Variants in LHX1 observed in about 807,000 individuals in gnomAD.
LHX1 encodes LIM/homeobox protein Lhx1.
Under a neutral mutation model 34.1 loss-of-function variants are expected in LHX1, and 9 were observed. That is an observed-to-expected ratio of 0.26 (90% confidence interval 0.16 to 0.46). LHX1 has a LOEUF of 0.46. LHX1 is among the 20% of genes least tolerant of loss of function. The probability of loss-of-function intolerance (pLI) is 1.00; values close to 1 mark genes in which losing one functional copy is unlikely to be tolerated. For synonymous variants in LHX1, 254 were observed against 241.5 expected (o/e 1.05, Z -0.48); for missense variants, 446 against 559.1 (o/e 0.80, Z 2.04).
rs912287461 is a variant in LHX1, at chr17:36,944,002, T to C, written c.*871T>C. The C allele has an allele frequency of 1.8e-4, 27 of 152,192 alleles. No individual in the cohort carries two copies. Among genetic ancestry groups the C allele is most frequent in the South Asian group, 2.1e-4 (1 of 4,820 alleles). The allele number at this position is 152,192 out of a possible 1,614,324, so 9.4% of individuals were successfully genotyped here. Reference sequence around the variant, plus strand: ...TACGTATAATGTTAAATTCAGGAGTTCAGTGTTTTACTAATATATCCTGTT... The same window carrying C: ...TACGTATAATGTTAAATTCAGGAGTCCAGTGTTTTACTAATATATCCTGTT... On this transcript the variant is annotated 3_prime_UTR_variant, in exon 5 of 5. Coordinates refer to ENST00000614239, the MANE Select transcript of LHX1 (RefSeq NM_005568.5).
rs1567958736 is a variant in LHX1 at position 36,943,811 on chromosome 17, A to G, written c.*680A>G. On this transcript the variant is annotated 3_prime_UTR_variant, in exon 5 of 5. Coordinates refer to ENST00000614239, the MANE Select transcript of LHX1 (RefSeq NM_005568.5). Reference sequence around the variant, plus strand: ...CTCTTCTACCTTCGCAAAACTACACATACACACATACACACGTACACGGAC... The same window carrying G: ...CTCTTCTACCTTCGCAAAACTACACGTACACACATACACACGTACACGGAC... 2.0e-5 allele frequency: 3 copies of G among 152,082 alleles called. No homozygotes were observed. Among genetic ancestry groups the G allele is most frequent in the Admixed American group, 6.6e-5 (1 of 15,262 alleles). 9.4% of individuals were successfully genotyped at this position (152,082 alleles called of 1,614,324 possible). A position where few individuals can be genotyped will look rare whatever the true frequency, so the allele number is the denominator to read the frequency against.
At position 36,938,527 on chromosome 17, in the gene LHX1, G is replaced by T. The variant is rs1004828899; in HGVS notation, c.170+160G>T. 54 of 743,440 alleles carry T rather than the reference G, an allele frequency of 7.3e-5. No individual in the cohort carries two copies. In the East Asian group the frequency reaches 1.3e-3, roughly 18 times the overall value. The allele number at this position is 743,440 out of a possible 1,614,324, so 46.1% of individuals were successfully genotyped here. A position where few individuals can be genotyped will look rare whatever the true frequency, so the allele number is the denominator to read the frequency against. On this transcript the variant is annotated intron_variant, in intron 1 of 4. Coordinates refer to ENST00000614239, the MANE Select transcript of LHX1 (RefSeq NM_005568.5). ...CGCCCGCCTCTCCGCCAGCTGGCGC[G>T]CTGGGAGCCCGGGACGCGGCCCTGC...
intron 1 of LHX1, 32 bp from the exon 2 acceptor site, chr17:36,940,258 C>CCCGGGGGGGGG: frequency 1.9e-6 from 1 of 528,906 alleles, no homozygotes; most frequent in Non-Finnish European, 3.3e-6. Context: ...GACCCATCCC[C>CCCGGGGGGGGG]GCCCCCGCCC....
chr17:36,938,056 C>A lies in LHX1; in HGVS notation c.-142C>A. The A allele has an allele frequency of 1.3e-6, 1 of 769,666 alleles. No homozygotes were observed. The highest frequency in any genetic ancestry group is 2.2e-6 in the Non-Finnish European group (1 of 461,474). The allele number at this position is 769,666 out of a possible 1,614,324, so 47.7% of individuals were successfully genotyped here. A position where few individuals can be genotyped will look rare whatever the true frequency, so the allele number is the denominator to read the frequency against. On this transcript the variant is annotated 5_prime_UTR_variant, in exon 1 of 5. Transcript: ENST00000614239. ...TCCACCCTACTTTGATTTCCTGGTG[C>A]GAGTTTTGGCTTGCACGGCCGAGTG...
upstream of LHX1, chr17:36,936,928 G>A (rs1363744447): frequency 8.6e-6 from 2 of 232,840 alleles, no homozygotes; most frequent in South Asian, 3.8e-5. Context: ...GCGGCGGTCC[G>A]CGCCGAGCCG....
At chr17:36,938,846 C>T (rs2070746623) in intron 1 of LHX1, 29 of 292,606 alleles carry the variant, frequency 9.9e-5, no homozygotes, top group South Asian at 9.4e-4. Flanking sequence ...AGTGTCTGGG[C>T]CAACTGCCCT....
Position 36,943,226 on chromosome 17 carries a change from C to T in LHX1, c.*95C>T. On this transcript the variant is annotated 3_prime_UTR_variant, in exon 5 of 5. Coordinates refer to ENST00000614239, the MANE Select transcript of LHX1 (RefSeq NM_005568.5). ...AAAAAAAACATAAAAAGCAAGTCCC[C>T]ACCCCCTTCCTCCAGCCTCGAGAAC... is the stretch of plus-strand genomic sequence containing the variant. 1 of 1,374,910 alleles carries T rather than the reference C, an allele frequency of 7.3e-7. No individual in the cohort carries two copies. Among genetic ancestry groups the T allele is most frequent in the Non-Finnish European group, 9.8e-7 (1 of 1,018,666 alleles). 85.2% of individuals were successfully genotyped at this position (1,374,910 alleles called of 1,614,324 possible). A position where few individuals can be genotyped will look rare whatever the true frequency, so the allele number is the denominator to read the frequency against.
rs752860474 is a variant in LHX1, at chr17:36,942,779, G to A, written c.869G>A (p.Gly290Glu). 6.5e-7 allele frequency: 1 copy of A among 1,541,530 alleles called. No individual in the cohort carries two copies. The highest frequency in any genetic ancestry group is 8.8e-7 in the Non-Finnish European group (1 of 1,140,706). The change falls in exon 5 of 5, where the codon GGG becomes GAG. Residue 290 changes from glycine to glutamate, a missense_variant. Gly to Glu is a moderately conservative substitution (Grantham distance 98, BLOSUM62 -2). Around this residue, in one of 3 missense-constraint regions of LHX1, gnomAD observed 235 missense variants for 224.4 expected, o/e 1.05. Transcript: ENST00000614239. ...GDYQSEYYGP[G>E]GNYDFFPQGP... The stretch of plus-strand genomic sequence containing the variant: ...TACCAGAGCGAGTACTACGGGCCCG[G>A]GGGCAACTACGACTTCTTCCCGCAA...
upstream of LHX1, chr17:36,937,312 G>T (rs1394661658): frequency 7.3e-6 from 3 of 411,436 alleles, no homozygotes; most frequent in African/African-American, 4.2e-5. Flanking sequence ...CTGAGGACAC[G>T]GAGGCCGCCA....
Position 36,943,514 on chromosome 17 carries a change from C to G in LHX1, c.*383C>G, listed in dbSNP as rs1597691009. The stretch of plus-strand genomic sequence containing the variant: ...CACAGCCGTTGGCGATGCCAGGAGC[C>G]GTGGGGAGGGAGGCCGTGAGCACAG... On this transcript the variant is annotated 3_prime_UTR_variant, in exon 5 of 5. Coordinates refer to ENST00000614239, the MANE Select transcript of LHX1 (RefSeq NM_005568.5). 1 of 198,880 alleles carries G rather than the reference C, an allele frequency of 5.0e-6. No homozygotes were observed. Among genetic ancestry groups the G allele is most frequent in the East Asian group, 1.1e-4 (1 of 8,966 alleles). 12.3% of individuals were successfully genotyped at this position (198,880 alleles called of 1,614,324 possible). A position where few individuals can be genotyped will look rare whatever the true frequency, so the allele number is the denominator to read the frequency against.
chr17:36,943,194 A>T lies in LHX1; in HGVS notation c.*63A>T. 1 of 1,380,916 alleles carries T rather than the reference A, an allele frequency of 7.2e-7. No homozygotes were observed. The highest frequency in any genetic ancestry group is 9.5e-7 in the Non-Finnish European group (1 of 1,051,874). The allele number at this position is 1,380,916 out of a possible 1,614,324, so 85.5% of individuals were successfully genotyped here. On this transcript the variant is annotated 3_prime_UTR_variant, in exon 5 of 5. Transcript: ENST00000614239. ...AGAAATGAACCTTTATTTAAGAAAA[A>T]TAGAAAAAAAAAAACATAAAAAGCA...
rs200637129 is a variant in LHX1 at position 36,940,824 on chromosome 17, G to A, written c.612G>A (p.Lys204=). 1 of 1,543,992 alleles carries A rather than the reference G, an allele frequency of 6.5e-7. No homozygotes were observed. The highest frequency in any genetic ancestry group is 8.7e-7 in the Non-Finnish European group (1 of 1,148,568). ...AGGCCGCCTTCGCTGCTACACCCAA[G>A]CCCACCCGCCACATCCGCGAGCAGC... ...TLKAAFAATP[K]PTRHIREQLA... is the part of the protein sequence containing the mutation. The change falls in exon 3 of 5, where the codon AAG becomes AAA. Residue 204 remains lysine (K), a synonymous_variant. Transcript: ENST00000614239.
chr17:36,942,178 AC>A, intron 3 of LHX1, 21 bp from the exon 4 acceptor site: 1 of 1,518,322 alleles, frequency 6.6e-7, no homozygotes, highest in Non-Finnish European at 8.8e-7. Flanking sequence ...CGGTGGCCTC[AC>A]CCCGCCGCCA....
Position 36,943,160 on chromosome 17 carries a change from T to C in LHX1, c.*29T>C. On this transcript the variant is annotated 3_prime_UTR_variant, in exon 5 of 5. Coordinates refer to ENST00000614239, the MANE Select transcript of LHX1 (RefSeq NM_005568.5). ...GGTCTCGCACGGTCTGCGGAGTTCGTGGTTGTACAGAAATGAACCTTTATT... is the reference window on the plus strand; with the variant it reads ...GGTCTCGCACGGTCTGCGGAGTTCGCGGTTGTACAGAAATGAACCTTTATT... 1 of 1,608,414 alleles carries C rather than the reference T, an allele frequency of 6.2e-7. No individual in the cohort carries two copies. The highest frequency in any genetic ancestry group is 1.1e-5 in the South Asian group (1 of 90,726).
intron 3 of LHX1, chr17:36,941,533 C>T: frequency 3.9e-6 from 1 of 253,740 alleles, no homozygotes; most frequent in South Asian, 4.4e-5. Flanking sequence ...GTGTCCGGTT[C>T]ACCGGGCCTG....
In LHX1 at chr17:36,938,131, G is replaced by A. The variant is rs2070740915; in HGVS notation, c.-67G>A. On this transcript the variant is annotated 5_prime_UTR_variant, in exon 1 of 5. Transcript: ENST00000614239. ...GGGAGCTCGTGCCGATTGTCTTCAG[G>A]AGTCATCCCCTGGGCTCTACTTTGC... 3 of 1,509,924 alleles carry A rather than the reference G, an allele frequency of 2.0e-6. No homozygotes were observed. Among genetic ancestry groups the A allele is most frequent in the Admixed American group, 3.3e-5 (2 of 59,788 alleles). The allele number at this position is 1,509,924 out of a possible 1,614,324, so 93.5% of individuals were successfully genotyped here.
rs1352420357 is a variant in LHX1 at position 36,937,562 on chromosome 17, G to A, written c.-636G>A. 2.0e-5 allele frequency: 6 copies of A among 301,864 alleles called. No individual in the cohort carries two copies. The highest frequency in any genetic ancestry group is 3.2e-5 in the Non-Finnish European group (5 of 153,900). 18.7% of individuals were successfully genotyped at this position (301,864 alleles called of 1,614,324 possible). ...CCCAGGCCCAGCGCGGGCGCTCGGC[G>A]CGTCCAGACCCGCGGCGCGATGCCG... On this transcript the variant is annotated 5_prime_UTR_variant, in exon 1 of 5. Transcript: ENST00000614239.
intron 3 of LHX1, among the ~76,000 whole-genome samples, 177 bp from the exon 4 acceptor site, chr17:36,942,023 T>G (rs2070768017): frequency 1.3e-5 from 2 of 152,122 alleles, no homozygotes; most frequent in South Asian, 4.1e-4. Context: ...TGGCTCAGGG[T>G]CCGCCCTGAG....
rs917298205 is a variant in LHX1, at chr17:36,940,414, T to G, written c.295T>G (p.Ser99Ala). 6.2e-7 allele frequency: 1 copy of G among 1,614,140 alleles called. No homozygotes were observed. Among genetic ancestry groups the G allele is most frequent in the Non-Finnish European group, 8.5e-7 (1 of 1,180,044 alleles). Residue 99 changes from serine (S) to alanine (A), a missense_variant, in exon 2 of 5, where the codon TCC (serine) becomes GCC (alanine). By Grantham distance (99) the Ser-to-Ala change is moderately conservative. Around this residue, in one of 3 missense-constraint regions of LHX1, gnomAD observed 168 missense variants for 226.6 expected, o/e 0.74. Transcript: ENST00000614239. The stretch of plus-strand genomic sequence containing the variant: ...CTGCATGATGTGTAACAAGCAGCTC[T>G]CCACTGGCGAGGAACTCTACATCAT... ...FTCMMCNKQLSTGEELYIIDE... is the reference protein window; with the variant it reads ...FTCMMCNKQLATGEELYIIDE...
Sources: allele counts gnomAD v4.1 joint callset (sites outside exome capture counted in the v4.1 genomes callset), GRCh38; gene constraint gnomAD v4.1.1; regional missense constraint gnomAD v4.1.1; transcripts MANE v1.5; gene names NCBI Gene and HGNC (gene_info 2026-07-23, HGNC 2026-07-21).